The following TENM2 variants were observed in gnomAD, a reference collection of about 807,000 sequenced individuals.
TENM2 encodes the protein teneurin transmembrane protein 2.
A neutral mutation model predicts 245.2 loss-of-function variants in TENM2; 52 were observed. The observed-to-expected ratio is 0.21, with a 90% confidence interval of 0.17 to 0.27. TENM2 has a LOEUF of 0.27. Among genes scored for constraint, TENM2 ranks in the 10% least tolerant of loss-of-function variants. The pLI, the probability that TENM2 is intolerant of heterozygous loss-of-function variation, is 1.00. For missense variants in TENM2, 3,046 were observed against 3,666.8 expected, an observed-to-expected ratio of 0.83 and a Z score of 4.37; for synonymous variants, 1,363 against 1,438.9, an observed-to-expected ratio of 0.95 and a Z score of 1.19.
intron 5 of TENM2, among the ~76,000 whole-genome samples, chr5:168,044,580 T>C (rs1311705681): frequency 6.6e-6 from 1 of 152,040 alleles, no homozygotes; most frequent in African/African-American, 2.4e-5. Context: ...TGTATCATTA[T>C]CTATTCTAAT....
Position 167,422,122 on chromosome 5 carries a change from C to T in TENM2, c.502+46649C>T, listed in dbSNP as rs1401967408. Among the ~76,000 whole-genome samples, 6 of 152,068 alleles carry T rather than the reference C, an allele frequency of 3.9e-5. No homozygotes were observed. The East Asian group carries it at 7.7e-4, about 20-fold the overall frequency. ...TTCTTAAGAATGTTTTGTCTACCCTCTCCATTAATAGGATATATTTATGAC... is the reference window on the plus strand; with the variant it reads ...TTCTTAAGAATGTTTTGTCTACCCTTTCCATTAATAGGATATATTTATGAC... On this transcript the variant is annotated intron_variant, in intron 2 of 28. Transcript: ENST00000518659.
At chr5:167,149,342 GCCAGC>G in the TENM2 span, among the ~76,000 whole-genome samples, 19 of 152,208 alleles carry the variant, frequency 1.2e-4, no homozygotes, top group African/African-American at 4.6e-4. Flanking sequence ...GGATTTTCCA[GCCAGC>G]AAAATGATCT....
the TENM2 span, among the ~76,000 whole-genome samples, chr5:167,276,770 A>G: frequency 6.6e-6 from 1 of 152,054 alleles, no homozygotes; most frequent in Non-Finnish European, 1.5e-5. Flanking sequence ...TAGTTTTGTT[A>G]TACTGTATTG....
rs528900746 is a variant in TENM2, at chr5:167,669,811, G to A, written c.503-206175G>A. Among the ~76,000 whole-genome samples, 13 of 151,888 alleles carry A rather than the reference G, an allele frequency of 8.6e-5. No individual in the cohort carries two copies. In the South Asian group the frequency reaches 2.7e-3, roughly 32 times the overall value. ...AGACAAACCGTGGTTGTAAGTTATA[G>A]CTGCTCTTTACTTGCTAATAATTGC... On this transcript the variant is annotated intron_variant, in intron 2 of 28. Transcript: ENST00000518659.
chr5:167,108,842 A>G, the TENM2 span, among the ~76,000 whole-genome samples: 1 of 152,202 alleles, frequency 6.6e-6, no homozygotes, highest in African/African-American at 2.4e-5. Flanking sequence ...TGAAGGCCTG[A>G]ATAAAAGAGC....
chr5:167,152,363 A>T, the TENM2 span, among the ~76,000 whole-genome samples: 1 of 152,202 alleles, frequency 6.6e-6, no homozygotes, highest in Non-Finnish European at 1.5e-5. Flanking sequence ...GAGATTTATT[A>T]TATGAAAGAC....
At chr5:167,925,712 C>T (rs1777703684) in intron 3 of TENM2, among the ~76,000 whole-genome samples, 1 of 152,184 alleles carries the variant, frequency 6.6e-6, no homozygotes, top group Admixed American at 6.5e-5. Context: ...CCTAAATGCC[C>T]ATTAATGACA....
At chr5:167,139,852 A>C in the TENM2 span, among the ~76,000 whole-genome samples, 2 of 152,230 alleles carry the variant, frequency 1.3e-5, no homozygotes, top group Non-Finnish European at 2.9e-5. Context: ...CGTTGTAATG[A>C]CTTCAGATGT....
exon 19 of TENM2, chr5:168,204,590 T>G (rs1446711350): frequency 6.2e-7 from 1 of 1,613,876 alleles, no homozygotes; most frequent in Non-Finnish European, 8.5e-7. Context: ...CATCTTTCCC[T>G]CTCGAAATGT....
intron 14 of TENM2, among the ~76,000 whole-genome samples, chr5:168,193,005 G>C (rs1581592352): frequency 6.6e-6 from 1 of 152,158 alleles, no homozygotes; most frequent in South Asian, 2.1e-4. Context: ...ACTTCCAGAA[G>C]GCACCTTGAG....
the TENM2 span, among the ~76,000 whole-genome samples, chr5:167,118,769 C>T: frequency 2.0e-5 from 3 of 152,238 alleles, no homozygotes; most frequent in Admixed American, 6.5e-5. Context: ...CAGATATTGC[C>T]TAGCAAGGGT....
intron 2 of TENM2, among the ~76,000 whole-genome samples, chr5:167,742,361 G>A (rs1309509756): frequency 3.0e-4 from 42 of 138,666 alleles, no homozygotes; most frequent in African/African-American, 1.0e-3. Context: ...CCTCTACATA[G>A]ATAAATTAAA....
At chr5:167,762,513 A>T (rs1214385937) in intron 2 of TENM2, among the ~76,000 whole-genome samples, 1 of 152,162 alleles carries the variant, frequency 6.6e-6, no homozygotes, top group Non-Finnish European at 1.5e-5. Context: ...TGATTTAAGC[A>T]GGTGCTCCAG....
chr5:167,039,279 G>A, the TENM2 span, among the ~76,000 whole-genome samples: 1 of 152,090 alleles, frequency 6.6e-6, no homozygotes, highest in African/African-American at 2.4e-5. Context: ...TGCAAGATAT[G>A]CTGGCACAGA....
intron 2 of TENM2, chr5:167,653,238 G>T (rs1754596736): frequency 6.6e-6 from 1 of 152,050 alleles, no homozygotes; most frequent in African/African-American, 2.4e-5. Context: ...TAACAGGGAA[G>T]TAATTTTATA....
chr5:168,155,126 G>T (rs191356528), intron 12 of TENM2, among the ~76,000 whole-genome samples: 91 of 152,308 alleles, frequency 6.0e-4, no homozygotes, highest in Non-Finnish European at 1.2e-3. Flanking sequence ...ACTAGTTGGA[G>T]ATTTTCCCCA....
intron 7 of TENM2, among the ~76,000 whole-genome samples, chr5:168,063,524 C>T (rs780391864): frequency 3.3e-5 from 5 of 151,972 alleles, no homozygotes; most frequent in Non-Finnish European, 7.4e-5. Flanking sequence ...TAGGAAAAAA[C>T]CCAAAACATG....
intron 2 of TENM2, among the ~76,000 whole-genome samples, chr5:167,402,650 G>A (rs924157989): frequency 6.6e-6 from 1 of 152,064 alleles, no homozygotes; most frequent in African/African-American, 2.4e-5. Flanking sequence ...ATTTTCCAGT[G>A]CACATAGAAT....
At chr5:167,451,138 AC>A (rs1162805043) in intron 2 of TENM2, among the ~76,000 whole-genome samples, 1 of 152,080 alleles carries the variant, frequency 6.6e-6, no homozygotes, top group Admixed American at 6.5e-5. Context: ...TTATCTGCAC[AC>A]TCTAAATTCA....
Sources: gnomAD v4.1 joint callset for allele counts (sites outside exome capture counted in the v4.1 genomes callset) on GRCh38, gnomAD v4.1.1 for gene constraint, MANE v1.5 for transcripts, NCBI Gene and HGNC (gene_info 2026-07-23, HGNC 2026-07-21) for gene names.